The following FAT4 variants were observed in gnomAD, a reference collection of about 807,000 sequenced individuals.
FAT4 encodes the protein protocadherin Fat 4.
In FAT4, 84 loss-of-function variants were observed where a neutral mutation model predicts 303.9. That is an observed-to-expected ratio of 0.28 (90% CI 0.23 to 0.33). The LOEUF (loss-of-function observed/expected upper bound fraction) is 0.33. Among genes scored for constraint, FAT4 ranks in the 10% least tolerant of loss-of-function variants. The probability of loss-of-function intolerance (pLI) is 1.00; values close to 1 mark genes in which losing one functional copy is unlikely to be tolerated. For synonymous variants in FAT4, 2,307 were observed against 2,298.8 expected (o/e 1.00, Z -0.10); for missense variants, 6,005 against 6,146.8 (o/e 0.98, Z 0.77).
At chr4:125,367,694 T>C (rs141601360) in intron 2 of FAT4, among the ~76,000 whole-genome samples, 182 of 152,304 alleles carry the variant, frequency 1.2e-3, no homozygotes, top group Non-Finnish European at 2.0e-3. Context: ...CCATGAGAGA[T>C]GGTTAAAATG....
At position 125,321,513 on chromosome 4, in the gene FAT4, G is replaced by C; in HGVS notation, c.5102G>C (p.Gly1701Ala). The change falls in exon 2 of 18, where the codon GGA becomes GCA. Residue 1701 changes from glycine (G) to alanine (A), a missense_variant. By Grantham distance (60) the Gly-to-Ala change is moderately conservative. Coordinates refer to ENST00000394329, the MANE Select transcript of FAT4 (RefSeq NM_001291303.3). The stretch of plus-strand genomic sequence containing the variant: ...GCAGCCATTCTGGACCGGGAGCAAG[G>C]AGCATGTCTTTACCTGGTGGATGTT... ...QTAAILDREQ[G>A]ACLYLVDVYA... The C allele has an allele frequency of 6.2e-7, 1 of 1,614,084 alleles. No individual in the cohort carries two copies. The highest frequency in any genetic ancestry group is 2.2e-5 in the East Asian group (1 of 44,872).
intron 7 of FAT4, among the ~76,000 whole-genome samples, chr4:125,428,945 A>G (rs1295848436): frequency 6.6e-6 from 1 of 152,104 alleles, no homozygotes; most frequent in Non-Finnish European, 1.5e-5. Flanking sequence ...TTGTGATTGC[A>G]TCTGGTTTTC....
chr4:125,403,801 T>A (rs1734482607), intron 3 of FAT4, among the ~76,000 whole-genome samples: 1 of 152,326 alleles, frequency 6.6e-6, no homozygotes, highest in East Asian at 1.9e-4. Flanking sequence ...TTTTTGCTTT[T>A]ACTTTGCACA....
intron 2 of FAT4, among the ~76,000 whole-genome samples, chr4:125,349,098 T>C (rs1732119688): frequency 6.6e-6 from 1 of 151,792 alleles, no homozygotes; most frequent in South Asian, 2.1e-4. Context: ...AAGAGTATAC[T>C]AAAAATATGA....
At position 125,449,684 on chromosome 4, in the gene FAT4, A is replaced by G. The variant is rs1347983015; in HGVS notation, c.8674A>G (p.Lys2892Glu). 1 of 1,614,008 alleles carries G rather than the reference A, an allele frequency of 6.2e-7. No homozygotes were observed. The change falls in exon 10 of 18, where the codon AAA becomes GAA. Residue 2892 changes from lysine to glutamate, a missense_variant. Physicochemically the swap from Lys to Glu is moderately conservative, Grantham distance 56. Transcript: ENST00000394329. Reference sequence around the variant, plus strand: ...CCCTGAACTTACTGAGATTGGCTCCAAAGTAACTCAGGTATTTGCAACAGA... The same window carrying G: ...CCCTGAACTTACTGAGATTGGCTCCGAAGTAACTCAGGTATTTGCAACAGA... ...DCPELTEIGS[K>E]VTQVFATDPD...
At chr4:125,432,848 A>G (rs555052978) in intron 7 of FAT4, among the ~76,000 whole-genome samples, 2 of 152,038 alleles carry the variant, frequency 1.3e-5, no homozygotes, top group Non-Finnish European at 2.9e-5. Flanking sequence ...AACAATGATC[A>G]GTGTGCAGTC....
At chr4:125,454,379 T>A (rs1194286114) in intron 10 of FAT4, among the ~76,000 whole-genome samples, 1 of 152,204 alleles carries the variant, frequency 6.6e-6, no homozygotes, top group Non-Finnish European at 1.5e-5. Flanking sequence ...GCAGAAAACA[T>A]GTGTAATAGA....
Position 125,321,287 on chromosome 4 carries a change from G to C in FAT4, c.4876G>C (p.Gly1626Arg). 6.2e-7 allele frequency: 1 copy of C among 1,614,050 alleles called. No individual in the cohort carries two copies. The highest frequency in any genetic ancestry group is 8.5e-7 in the Non-Finnish European group (1 of 1,179,938). ...ELTIILQGLDGPVFTQPKYIT... is the reference protein window; with the variant it reads ...ELTIILQGLDRPVFTQPKYIT... The stretch of plus-strand genomic sequence containing the variant: ...GACCATCATTCTTCAGGGCCTTGAT[G>C]GACCTGTTTTTACTCAACCCAAATA... Residue 1626 changes from glycine to arginine, a missense_variant, in exon 2 of 18, where the codon GGA (glycine) becomes CGA (arginine). Gly to Arg is a moderately radical substitution (Grantham distance 125). Transcript: ENST00000394329.
intron 2 of FAT4, among the ~76,000 whole-genome samples, chr4:125,368,760 A>C (rs573173284): frequency 5.9e-5 from 9 of 151,982 alleles, no homozygotes; most frequent in Non-Finnish European, 1.3e-4. Flanking sequence ...AGAGAGAAAG[A>C]GAAAGTTGGC....
intron 2 of FAT4, among the ~76,000 whole-genome samples, chr4:125,356,964 G>C (rs1233257194): frequency 2.0e-5 from 3 of 151,912 alleles, no homozygotes; most frequent in African/African-American, 4.8e-5. Flanking sequence ...AGTCCCCTGA[G>C]GGAGTAACTA....
chr4:125,361,820 C>G (rs1732684564), intron 2 of FAT4, among the ~76,000 whole-genome samples: 1 of 152,072 alleles, frequency 6.6e-6, no homozygotes, highest in African/African-American at 2.4e-5. Flanking sequence ...CAGTCATGAG[C>G]TCTATTTGTT....
At chr4:125,363,633 C>A (rs1732755257) in intron 2 of FAT4, among the ~76,000 whole-genome samples, 1 of 151,744 alleles carries the variant, frequency 6.6e-6, no homozygotes, top group Admixed American at 6.6e-5. Flanking sequence ...GTAGCTGGGA[C>A]AACAGGCGCA....
In FAT4 at chr4:125,318,621, A is replaced by G; in HGVS notation, c.2210A>G (p.Gln737Arg). The G allele has an allele frequency of 1.2e-6, 2 of 1,614,162 alleles. No homozygotes were observed. Among genetic ancestry groups the G allele is most frequent in the Non-Finnish European group, 1.7e-6 (2 of 1,180,022 alleles). ...TCTGCTGGGGACAGGTCTCGGTTTCAGGTCAATGCTCAGAGTGGGGTTATT... is the reference window on the plus strand; with the variant it reads ...TCTGCTGGGGACAGGTCTCGGTTTCGGGTCAATGCTCAGAGTGGGGTTATT... ...SISAGDRSRF[Q>R]VNAQSGVIST... The change falls in exon 2 of 18, where the codon CAG (glutamine) becomes CGG (arginine). Residue 737 changes from glutamine to arginine, a missense_variant. By Grantham distance (43) the Gln-to-Arg change is conservative. Transcript: ENST00000394329.
chr4:125,370,253 T>C (rs1303851701), intron 2 of FAT4, among the ~76,000 whole-genome samples: 2 of 152,204 alleles, frequency 1.3e-5, no homozygotes, highest in African/African-American at 4.8e-5. Flanking sequence ...TAAGCACTTG[T>C]ATGTTTCATA....
intron 2 of FAT4, among the ~76,000 whole-genome samples, chr4:125,330,507 A>C (rs1731340281): frequency 6.6e-6 from 1 of 152,236 alleles, no homozygotes; most frequent in Non-Finnish European, 1.5e-5. Context: ...CTATATATGT[A>C]TAGGGGTGGG....
At chr4:125,485,562 A>G (rs977395904) in intron 16 of FAT4, among the ~76,000 whole-genome samples, 7 of 152,156 alleles carry the variant, frequency 4.6e-5, no homozygotes, top group Non-Finnish European at 8.8e-5. Flanking sequence ...AGGGACAATA[A>G]CACAGATGGA....
chr4:125,336,002 T>A (rs994472000), intron 2 of FAT4, among the ~76,000 whole-genome samples: 2 of 152,044 alleles, frequency 1.3e-5, no homozygotes, highest in African/African-American at 4.8e-5. Context: ...CAGAAGGCAA[T>A]GATAAAAAAA....
Position 125,479,735 on chromosome 4 carries a change from T to C in FAT4, c.12480-6T>C. The C allele has an allele frequency of 6.3e-7, 1 of 1,578,946 alleles. No individual in the cohort carries two copies. Among genetic ancestry groups the C allele is most frequent in the Admixed American group, 1.7e-5 (1 of 58,730 alleles). ...GCGTTATTGTTCTCATTATGATTTA[T>C]TTTAGATGCCCTAGGCTGGAAGGCG... On this transcript the variant is annotated splice_polypyrimidine_tract_variant and splice_region_variant and intron_variant, in intron 14 of 17. Coordinates refer to ENST00000394329, the MANE Select transcript of FAT4 (RefSeq NM_001291303.3).
At position 125,450,309 on chromosome 4, in the gene FAT4, T is replaced by A; in HGVS notation, c.9299T>A (p.Ile3100Asn). Residue 3100 changes from isoleucine to asparagine, a missense_variant, in exon 10 of 18, where the codon ATC (isoleucine) becomes AAC (asparagine). Ile to Asn is a moderately radical substitution (Grantham distance 149, BLOSUM62 -3). Coordinates refer to ENST00000394329, the MANE Select transcript of FAT4 (RefSeq NM_001291303.3). ...TCTCAAAGCCACATGAGTGCAACCA[T>A]CCCTGAGAGCCATAGCATTGGGTCC... ...EFSQSHMSAT[I>N]PESHSIGSIV... is the part of the protein sequence containing the mutation. The A allele has an allele frequency of 2.5e-6, 4 of 1,614,050 alleles. No homozygotes were observed. The highest frequency in any genetic ancestry group is 3.4e-6 in the Non-Finnish European group (4 of 1,179,996).
Sources: allele counts gnomAD v4.1 joint callset (sites outside exome capture counted in the v4.1 genomes callset), GRCh38; gene constraint gnomAD v4.1.1; transcripts MANE v1.5; gene names NCBI Gene and HGNC (gene_info 2026-07-23, HGNC 2026-07-21).